Variants in USP53 observed in about 807,000 individuals in gnomAD.
USP53 encodes the protein ubiquitin specific peptidase 53, also known as ubiquitin carboxyl-terminal hydrolase 53.
In USP53, 71 loss-of-function variants were observed where a neutral mutation model predicts 94.9. That is an observed-to-expected ratio of 0.75 (90% CI 0.62 to 0.91). The LOEUF (loss-of-function observed/expected upper bound fraction) is 0.91. Ranked by LOEUF, USP53 falls within the 40% of genes least tolerant of loss-of-function variation. The pLI, the probability that USP53 is intolerant of heterozygous loss-of-function variation, is 0.00. For synonymous variants in USP53, 375 were observed against 422.7 expected (o/e 0.89, Z 1.39); for missense variants, 1,173 against 1,281.0 (o/e 0.92, Z 1.29).
rs985760793 is a variant in USP53, at chr4:119,268,359, A to G, written c.1227A>G (p.Pro409=). 2 of 1,614,044 alleles carry G rather than the reference A, an allele frequency of 1.2e-6. No homozygotes were observed. Among genetic ancestry groups the G allele is most frequent in the Non-Finnish European group, 1.7e-6 (2 of 1,179,948 alleles). Residue 409 remains proline, a synonymous_variant, in exon 14 of 19, where the codon CCA becomes CCG. Coordinates refer to ENST00000692078, the MANE Select transcript of USP53 (RefSeq NM_001371395.1). ...QAKQRENQKF[P]TDNISSSNRS... is the part of the protein sequence containing the mutation. ...AGCAGAGAGAAAATCAGAAATTTCC[A>G]ACTGATAATATTTCATCATCTAATC...
intron 6 of USP53, 149 bp downstream of exon 6, chr4:119,245,578 G>C: frequency 1.7e-6 from 1 of 592,174 alleles, no homozygotes; most frequent in Non-Finnish European, 2.9e-6. Flanking sequence ...GACTTATTCA[G>C]GTTTGTGTTT....
At chr4:119,250,785 G>A (rs531488715) in intron 7 of USP53, among the ~76,000 whole-genome samples, 2 of 152,194 alleles carry the variant, frequency 1.3e-5, no homozygotes, top group Non-Finnish European at 2.9e-5. Context: ...GATCTATATT[G>A]TAAATCAATA....
Position 119,249,695 on chromosome 4 carries a change from C to T in USP53, c.372+813C>T, listed in dbSNP as rs369909323. On this transcript the variant is annotated intron_variant, in intron 7 of 18. Coordinates refer to ENST00000692078, the MANE Select transcript of USP53 (RefSeq NM_001371395.1). The stretch of plus-strand genomic sequence containing the variant: ...TTTTTTTTTTTTTGAGACAGAGTCT[C>T]GGTCTGTCACCCAGGCTGGGGTGCA... Among the ~76,000 whole-genome samples the T allele has an allele frequency of 2.2e-3, 287 of 130,682 alleles. 1 individual carries two copies. Among genetic ancestry groups the T allele is most frequent in the African/African-American group, 7.9e-3 (272 of 34,340 alleles). The allele number at this position is 130,682 out of a possible 152,430, so 85.7% of individuals were successfully genotyped here. A position where few individuals can be genotyped will look rare whatever the true frequency, so the allele number is the denominator to read the frequency against.
chr4:119,218,382 A>G (rs1744084119), intron 3 of USP53: 2 of 152,226 alleles, frequency 1.3e-5, no homozygotes, highest in Non-Finnish European at 2.9e-5. Flanking sequence ...TATATTCTGG[A>G]TACATGTGTA....
chr4:119,288,946 A>C (rs1754424496), intron 17 of USP53, among the ~76,000 whole-genome samples: 1 of 151,886 alleles, frequency 6.6e-6, no homozygotes, highest in African/African-American at 2.4e-5. Flanking sequence ...CTCAAAAAAA[A>C]AAAAAAAAAA....
chr4:119,285,418 G>C (rs1753989971), intron 17 of USP53, among the ~76,000 whole-genome samples: 1 of 151,808 alleles, frequency 6.6e-6, no homozygotes, highest in Admixed American at 6.6e-5. Context: ...TTTGCTTCCA[G>C]AGTCTGCAAT....
intron 6 of USP53, 92 bp from the exon 7 acceptor site, chr4:119,248,656 A>G (rs1748564705): frequency 2.1e-6 from 3 of 1,440,668 alleles, no homozygotes; most frequent in South Asian, 1.5e-5. Flanking sequence ...TTTTCCAAGT[A>G]TAGTGTTTTG....
intron 12 of USP53, chr4:119,266,403 TTATGAGAGCAATG>T: frequency 2.2e-6 from 1 of 454,638 alleles, no homozygotes; most frequent in South Asian, 1.6e-5. Context: ...AATTTGCATT[TTATGAGAGCAATG>T]TATGAGAGTT....
Position 119,212,844 on chromosome 4 carries a change from G to C in USP53, c.-971G>C. On this transcript the variant is annotated 5_prime_UTR_variant, in exon 1 of 19. Coordinates refer to ENST00000692078, the MANE Select transcript of USP53 (RefSeq NM_001371395.1). Reference sequence around the variant, plus strand: ...CTGTATTTCTCTACCTGGACCGCACGCTCCTCGCGCAAGGAGGGTAGAGCT... The same window carrying C: ...CTGTATTTCTCTACCTGGACCGCACCCTCCTCGCGCAAGGAGGGTAGAGCT... 4.5e-6 allele frequency: 1 copy of C among 224,100 alleles called. No individual in the cohort carries two copies. Among genetic ancestry groups the C allele is most frequent in the Non-Finnish European group, 9.4e-6 (1 of 106,144 alleles). 13.9% of individuals were successfully genotyped at this position (224,100 alleles called of 1,614,324 possible).
Position 119,212,861 on chromosome 4 carries a change from G to T in USP53, c.-954G>T. On this transcript the variant is annotated 5_prime_UTR_variant, in exon 1 of 19. Transcript: ENST00000692078. ...GACCGCACGCTCCTCGCGCAAGGAG[G>T]GTAGAGCTCAAGGTAAGTCTCCGAA... 4.7e-6 allele frequency: 1 copy of T among 212,536 alleles called. No homozygotes were observed. Among genetic ancestry groups the T allele is most frequent in the Admixed American group, 5.1e-5 (1 of 19,522 alleles). 13.2% of individuals were successfully genotyped at this position (212,536 alleles called of 1,614,324 possible). A position where few individuals can be genotyped will look rare whatever the true frequency, so the allele number is the denominator to read the frequency against.
rs767981463 is a variant in USP53 at position 119,293,433 on chromosome 4, A to G, written c.*222A>G. 4.0e-5 allele frequency: 20 copies of G among 502,908 alleles called. No homozygotes were observed. Among genetic ancestry groups the G allele is most frequent in the Non-Finnish European group, 6.0e-5 (17 of 285,546 alleles). The allele number at this position is 502,908 out of a possible 1,614,324, so 31.2% of individuals were successfully genotyped here. On this transcript the variant is annotated 3_prime_UTR_variant, in exon 19 of 19. Transcript: ENST00000692078. ...TTTAAAGTTGTTAATCACTATACAT[A>G]TGTATGTGTATATGTGTATACACAT...
rs1056362658 is a variant in USP53 at position 119,295,302 on chromosome 4, T to A, written c.*2091T>A. On this transcript the variant is annotated 3_prime_UTR_variant, in exon 19 of 19. Transcript: ENST00000692078. ...CTCCAGATACAGATTGATACATATATACTAATCATTTTATTTCATGTAAAA... is the reference window on the plus strand; with the variant it reads ...CTCCAGATACAGATTGATACATATAAACTAATCATTTTATTTCATGTAAAA... 6.6e-6 allele frequency: 1 copy of A among 152,170 alleles called. No individual in the cohort carries two copies. Among genetic ancestry groups the A allele is most frequent in the Non-Finnish European group, 1.5e-5 (1 of 68,026 alleles). 9.4% of individuals were successfully genotyped at this position (152,170 alleles called of 1,614,324 possible).
chr4:119,277,028 TGTTGATC>T (rs1443787729), intron 17 of USP53, among the ~76,000 whole-genome samples: 6 of 84,144 alleles, frequency 7.1e-5, no homozygotes, highest in African/African-American at 2.5e-4. Flanking sequence ...CTATCAATTT[TGTTGATC>T]CTTTCAAAAA....
In USP53 at chr4:119,239,501, A is replaced by G; in HGVS notation, c.-259A>G. The G allele has an allele frequency of 2.3e-6, 1 of 439,530 alleles. No individual in the cohort carries two copies. The highest frequency in any genetic ancestry group is 4.0e-6 in the Non-Finnish European group (1 of 251,608). The allele number at this position is 439,530 out of a possible 1,614,324, so 27.2% of individuals were successfully genotyped here. On this transcript the variant is annotated 5_prime_UTR_variant, in exon 5 of 19. Coordinates refer to ENST00000692078, the MANE Select transcript of USP53 (RefSeq NM_001371395.1). ...ATACAGCTCCCATAAAATTTAACACATATAAACATCTTTAACGCCTTGTTT... is the reference window on the plus strand; with the variant it reads ...ATACAGCTCCCATAAAATTTAACACGTATAAACATCTTTAACGCCTTGTTT...
At chr4:119,243,745 G>A (rs1307662915) in intron 5 of USP53, among the ~76,000 whole-genome samples, 2 of 152,212 alleles carry the variant, frequency 1.3e-5, no homozygotes, top group South Asian at 2.1e-4. Flanking sequence ...TTTATAAACA[G>A]ATTATAGAGG....
intron 7 of USP53, among the ~76,000 whole-genome samples, chr4:119,249,374 C>T (rs1028186726): frequency 1.3e-5 from 2 of 152,080 alleles, no homozygotes; most frequent in African/African-American, 4.8e-5. Context: ...GTGTTACCAC[C>T]ATATTAGTAA....
In USP53 at chr4:119,292,999, A is replaced by G. The variant is rs1324602549; in HGVS notation, c.3010A>G (p.Thr1004Ala). ...NTPNCPSSSS[T>A]NDFQANSGAI... ...ACCAAACTGTCCATCCAGCTCCTCA[A>G]CTAACGATTTTCAGGCAAACTCAGG... is the stretch of plus-strand genomic sequence containing the variant. Residue 1004 changes from threonine (T) to alanine (A), a missense_variant, in exon 19 of 19, where the codon ACT (threonine) becomes GCT (alanine). By Grantham distance (58) the Thr-to-Ala change is moderately conservative. Coordinates refer to ENST00000692078, the MANE Select transcript of USP53 (RefSeq NM_001371395.1). The G allele has an allele frequency of 3.7e-6, 6 of 1,613,992 alleles. No individual in the cohort carries two copies. The highest frequency in any genetic ancestry group is 2.2e-5 in the South Asian group (2 of 91,082).
intron 4 of USP53, among the ~76,000 whole-genome samples, chr4:119,237,513 T>G (rs1746948774): frequency 6.6e-6 from 1 of 151,598 alleles, no homozygotes; most frequent in Non-Finnish European, 1.5e-5. Context: ...CTATTGAAAG[T>G]CAGCCCTCGA....
Position 119,272,005 on chromosome 4 carries a change from C to G in USP53, c.2145C>G (p.Ile715Met). 6.2e-7 allele frequency: 1 copy of G among 1,601,048 alleles called. No individual in the cohort carries two copies. Among genetic ancestry groups the G allele is most frequent in the South Asian group, 1.1e-5 (1 of 87,948 alleles). Reference protein sequence around the residue: ...VIDGNGTVMDISGVKETVCFS... With the variant: ...VIDGNGTVMDMSGVKETVCFS... The stretch of plus-strand genomic sequence containing the variant: ...ATGGAAATGGTACAGTAATGGATAT[C>G]AGTGGTGTTAAAGAAACAGTATGCT... Residue 715 changes from isoleucine (I) to methionine (M), a missense_variant, in exon 16 of 19, where the codon ATC becomes ATG. Transcript: ENST00000692078.
Sources: allele counts gnomAD v4.1 joint callset (sites outside exome capture counted in the v4.1 genomes callset), GRCh38; gene constraint gnomAD v4.1.1; transcripts MANE v1.5; gene names NCBI Gene and HGNC (gene_info 2026-07-23, HGNC 2026-07-21).